The following TMEM132B variants were observed in gnomAD, a reference collection of about 807,000 sequenced individuals.
The protein encoded by TMEM132B is transmembrane protein 132B.
In TMEM132B, 18 loss-of-function variants were observed where a neutral mutation model predicts 90.8. That is an observed-to-expected ratio of 0.20 (90% CI 0.14 to 0.29). The LOEUF is 0.29. Ranked by LOEUF, TMEM132B falls within the 10% of genes least tolerant of loss-of-function variation. The pLI is 1.00. For missense variants in TMEM132B, 1,096 were observed against 1,326.8 expected (o/e 0.83, Z 2.70); for synonymous variants, 504 against 523.3 (o/e 0.96, Z 0.50).
rs531172938 is a variant in TMEM132B at position 125,398,538 on chromosome 12, G to A, written c.960-16993G>A. Among the ~76,000 whole-genome samples, 675 of 152,316 alleles carry A rather than the reference G, an allele frequency of 4.4e-3. 7 individuals are homozygous for A. The highest frequency in any genetic ancestry group is 0.016 in the African/African-American group (645 of 41,566). On this transcript the variant is annotated intron_variant, in intron 2 of 8. Coordinates refer to ENST00000682704, the MANE Select transcript of TMEM132B (RefSeq NM_001366854.1). Reference sequence around the variant, plus strand: ...GGCAGTAGGGACTGGCGGTGGGGGGGATGTGGTAACTGGAGAGTGGGCCTT... The same window carrying A: ...GGCAGTAGGGACTGGCGGTGGGGGGAATGTGGTAACTGGAGAGTGGGCCTT...
At chr12:125,478,810 C>G (rs971911445) in intron 3 of TMEM132B, among the ~76,000 whole-genome samples, 10 of 152,146 alleles carry the variant, frequency 6.6e-5, no homozygotes, top group African/African-American at 2.4e-4. Context: ...ACATAATTGT[C>G]AGATTCACCA....
chr12:125,507,070 G>T (rs572812304), intron 3 of TMEM132B, among the ~76,000 whole-genome samples: 13 of 152,338 alleles, frequency 8.5e-5, no homozygotes, highest in Non-Finnish European at 1.5e-4. Flanking sequence ...GCCCATAGAT[G>T]AATATTGAAA....
chr12:125,298,599 G>A (rs1367861222), intron 1 of TMEM132B, among the ~76,000 whole-genome samples: 1 of 146,602 alleles, frequency 6.8e-6, no homozygotes, highest in African/African-American at 2.5e-5. Flanking sequence ...ACTTGAACCC[G>A]GGAGGCAGAG....
At chr12:125,245,683 C>T (rs929146453) in intron 1 of TMEM132B, among the ~76,000 whole-genome samples, 2 of 151,996 alleles carry the variant, frequency 1.3e-5, no homozygotes, top group Non-Finnish European at 1.5e-5. Context: ...TACAGAATGT[C>T]GGGGGATGGG....
At chr12:125,355,698 A>G (rs939869090) in intron 2 of TMEM132B, among the ~76,000 whole-genome samples, 1 of 152,182 alleles carries the variant, frequency 6.6e-6, no homozygotes, top group Admixed American at 6.5e-5. Context: ...TCTCTTATGA[A>G]TGAGATGTGA....
intron 1 of TMEM132B, among the ~76,000 whole-genome samples, chr12:125,322,761 C>A (rs1410238759): frequency 2.0e-5 from 3 of 152,112 alleles, no homozygotes; most frequent in African/African-American, 4.8e-5. Context: ...TAAAAAAATT[C>A]CATCTTACCC....
At chr12:125,293,839 G>T (rs1318400619) in intron 1 of TMEM132B, among the ~76,000 whole-genome samples, 1 of 152,186 alleles carries the variant, frequency 6.6e-6, no homozygotes, top group African/African-American at 2.4e-5. Flanking sequence ...CTGAATTGGG[G>T]CTGGCTTGTA....
Position 125,199,155 on chromosome 12 carries a change from C to T in TMEM132B, c.67+12289C>T, listed in dbSNP as rs114182552. Among the ~76,000 whole-genome samples the T allele has an allele frequency of 2.4e-3, 370 of 152,254 alleles. 1 individual carries two copies. The highest frequency in any genetic ancestry group is 8.4e-3 in the African/African-American group (349 of 41,546). ...GCTCTTAATCACTGCTGTTTGCTGCCCCTGAAACTGGCACATACACGGCAT... is the reference window on the plus strand; with the variant it reads ...GCTCTTAATCACTGCTGTTTGCTGCTCCTGAAACTGGCACATACACGGCAT... On this transcript the variant is annotated intron_variant, in intron 1 of 8. Coordinates refer to ENST00000682704, the MANE Select transcript of TMEM132B (RefSeq NM_001366854.1).
At chr12:125,304,843 A>G (rs528671065) in intron 1 of TMEM132B, among the ~76,000 whole-genome samples, 4 of 147,796 alleles carry the variant, frequency 2.7e-5, no homozygotes, top group Admixed American at 2.0e-4. Context: ...CCCCATTTCT[A>G]AAAAAAAAAA....
intron 5 of TMEM132B, among the ~76,000 whole-genome samples, chr12:125,627,250 T>G (rs1178927265): frequency 6.6e-6 from 1 of 152,198 alleles, no homozygotes; most frequent in South Asian, 2.1e-4. Flanking sequence ...TATTTGAAAT[T>G]TCCTGTCTGA....
At position 125,519,510 on chromosome 12, in the gene TMEM132B, C is replaced by T; in HGVS notation, c.1178C>T (p.Ala393Val). The T allele has an allele frequency of 1.9e-6, 3 of 1,614,078 alleles. No homozygotes were observed. The highest frequency in any genetic ancestry group is 1.1e-5 in the South Asian group (1 of 91,068). ...GIDNSSDLAG[A>V]QQITWQVEYP... is the part of the protein sequence containing the mutation. The stretch of plus-strand genomic sequence containing the variant: ...GATAATAGCAGTGACCTGGCTGGGG[C>T]CCAGCAGATTACCTGGCAGGTGGAG... Residue 393 changes from alanine to valine, a missense_variant, in exon 4 of 9, where the codon GCC becomes GTC. Transcript: ENST00000682704.
intron 3 of TMEM132B, among the ~76,000 whole-genome samples, chr12:125,483,855 T>C (rs1313554784): frequency 6.6e-6 from 1 of 152,170 alleles, no homozygotes; most frequent in Non-Finnish European, 1.5e-5. Flanking sequence ...AAAAATATGA[T>C]TGCCTTGTTT....
chr12:125,459,969 C>T lies in TMEM132B; in HGVS notation c.1106+44292C>T, dbSNP rs1158674251. Reference sequence around the variant, plus strand: ...CATGTAAGACGTGCCTTTCACCTTCCACCATGATTGTGAGGCCTCCCCAGC... The same window carrying T: ...CATGTAAGACGTGCCTTTCACCTTCTACCATGATTGTGAGGCCTCCCCAGC... On this transcript the variant is annotated intron_variant, in intron 3 of 8. Transcript: ENST00000682704. This position sits in a 1 kb window ranked among gnomAD's most constrained non-coding sequence, Gnocchi z 4.1. Among the ~76,000 whole-genome samples the T allele has an allele frequency of 1.3e-5, 2 of 152,194 alleles. No individual in the cohort carries two copies. The highest frequency in any genetic ancestry group is 2.9e-5 in the Non-Finnish European group (2 of 68,036).
intron 2 of TMEM132B, among the ~76,000 whole-genome samples, chr12:125,358,267 T>G (rs1011764863): frequency 6.6e-6 from 1 of 151,878 alleles, no homozygotes; most frequent in African/African-American, 2.4e-5. Context: ...TTTTAAAAAA[T>G]TTTTTAGCTT....
chr12:125,628,175 A>C (rs892143464), intron 5 of TMEM132B, among the ~76,000 whole-genome samples: 2 of 152,124 alleles, frequency 1.3e-5, no homozygotes, highest in African/African-American at 4.8e-5. Context: ...TAGCAGTGGG[A>C]TTGCTGGACT....
intron 1 of TMEM132B, among the ~76,000 whole-genome samples, chr12:125,331,092 G>A (rs758246706): frequency 6.6e-6 from 1 of 152,222 alleles, no homozygotes; most frequent in Non-Finnish European, 1.5e-5. Flanking sequence ...GGCGGCCACT[G>A]GGTGGCGGTG....
intron 5 of TMEM132B, among the ~76,000 whole-genome samples, chr12:125,613,661 G>A (rs920792167): frequency 2.0e-5 from 3 of 151,846 alleles, no homozygotes; most frequent in African/African-American, 7.3e-5. Flanking sequence ...AGATACAGAA[G>A]CATTAATTTT....
intron 4 of TMEM132B, among the ~76,000 whole-genome samples, chr12:125,578,549 C>G (rs1476244363): frequency 6.6e-6 from 1 of 152,052 alleles, no homozygotes; most frequent in African/African-American, 2.4e-5. Context: ...TCTATACCTT[C>G]ATGTGTAATT....
intron 3 of TMEM132B, among the ~76,000 whole-genome samples, chr12:125,416,268 C>T (rs1268910118): frequency 2.0e-5 from 3 of 152,214 alleles, no homozygotes; most frequent in African/African-American, 7.2e-5. Context: ...GCCGCCTTCC[C>T]TACACAGTCT....
Sources: allele counts gnomAD v4.1 joint callset (sites outside exome capture counted in the v4.1 genomes callset), GRCh38; gene constraint gnomAD v4.1.1; non-coding constraint Gnocchi (gnomAD v3.1); transcripts MANE v1.5; gene names NCBI Gene and HGNC (gene_info 2026-07-23, HGNC 2026-07-21).